Variants in CAMK1D observed in about 807,000 individuals in gnomAD.
CAMK1D encodes calcium/calmodulin dependent protein kinase ID.
CAMK1D carries 9 observed loss-of-function variants against 47.7 expected under a neutral mutation model. That is an observed-to-expected ratio of 0.19 (90% CI 0.11 to 0.33). The LOEUF is 0.33. Ranked by LOEUF, CAMK1D falls within the 10% of genes least tolerant of loss-of-function variation. CAMK1D has a pLI of 1.00. For missense variants in CAMK1D, 291 were observed against 488.7 expected, an observed-to-expected ratio of 0.60 and a Z score of 3.81; for synonymous variants, 184 against 184.9, an observed-to-expected ratio of 0.99 and a Z score of 0.04.
intron 2 of CAMK1D, among the ~76,000 whole-genome samples, chr10:12,584,964 C>T (rs1217817061): frequency 6.6e-6 from 1 of 152,050 alleles, no homozygotes. Flanking sequence ...AAAAGCTAAC[C>T]AACAAAAATA....
chr10:12,371,474 G>C (rs1838004533), intron 1 of CAMK1D, among the ~76,000 whole-genome samples: 1 of 151,458 alleles, frequency 6.6e-6, no homozygotes, highest in Non-Finnish European at 1.5e-5. Flanking sequence ...TACTCAGGAG[G>C]CTGAGGCAGG....
At chr10:12,763,016 A>G (rs926846128) in intron 4 of CAMK1D, among the ~76,000 whole-genome samples, 6 of 152,246 alleles carry the variant, frequency 3.9e-5, no homozygotes, top group Non-Finnish European at 7.3e-5. Context: ...CAGGAGGGGC[A>G]GTGTTTATCT....
chr10:12,605,112 C>T (rs1356384291), intron 2 of CAMK1D, among the ~76,000 whole-genome samples: 2 of 152,098 alleles, frequency 1.3e-5, no homozygotes, highest in African/African-American at 4.8e-5. Context: ...TGGTCTCGAT[C>T]TCCTGACCTT....
rs1423643049 is a variant in CAMK1D at position 12,835,165 on chromosome 10, A to G, written c.*6278A>G. 1 of 152,166 alleles carries G rather than the reference A, an allele frequency of 6.6e-6. No homozygotes were observed. The highest frequency in any genetic ancestry group is 2.4e-5 in the African/African-American group (1 of 41,440). 9.4% of individuals were successfully genotyped at this position (152,166 alleles called of 1,614,324 possible). On this transcript the variant is annotated 3_prime_UTR_variant, in exon 11 of 11. Transcript: ENST00000619168. ...GAATAAACATTGGAACAATCTCTCA[A>G]TTGGCTTTTGTCACTACACATAATG... is the stretch of plus-strand genomic sequence containing the variant.
intron 6 of CAMK1D, among the ~76,000 whole-genome samples, chr10:12,792,627 G>A (rs995698724): frequency 6.6e-6 from 1 of 152,252 alleles, no homozygotes; most frequent in Non-Finnish European, 1.5e-5. Context: ...CAGTATCTGA[G>A]AAGCAGATGG....
chr10:12,439,870 G>T (rs1279906631), intron 1 of CAMK1D, among the ~76,000 whole-genome samples: 3 of 152,188 alleles, frequency 2.0e-5, no homozygotes, highest in East Asian at 3.8e-4. Flanking sequence ...CAATCATGGT[G>T]GAAGGCAAAA....
At chr10:12,770,934 TG>T (rs1444938620) in intron 5 of CAMK1D, among the ~76,000 whole-genome samples, 1 of 135,702 alleles carries the variant, frequency 7.4e-6, no homozygotes, top group African/African-American at 2.8e-5. Context: ...TTGTGGGGGG[TG>T]GGGGGTGTGG....
At chr10:12,696,009 T>C (rs1337267520) in intron 3 of CAMK1D, among the ~76,000 whole-genome samples, 1 of 151,524 alleles carries the variant, frequency 6.6e-6, no homozygotes. Flanking sequence ...ACCCGGGAGG[T>C]GGAGGTTGCA....
chr10:12,354,841 ATTT>A (rs11432459), intron 1 of CAMK1D, among the ~76,000 whole-genome samples: 2 of 129,346 alleles, frequency 1.5e-5, no homozygotes, highest in Admixed American at 8.2e-5. Flanking sequence ...TTGGAGGAAA[ATTT>A]TTTTTTTTTT....
In CAMK1D at chr10:12,828,838, G is replaced by A. The variant is rs768414434; in HGVS notation, c.1109G>A (p.Arg370Gln). ...GGGGTCTCAGGAGTTGGAGCCGAGC[G>A]GAGACCCAGGCCCACCACTGTGACG... is the stretch of plus-strand genomic sequence containing the variant. ...SSGVSGVGAE[R>Q]RPRPTTVTAV... Residue 370 changes from arginine to glutamine, a missense_variant, in exon 11 of 11, where the codon CGG becomes CAG. By Grantham distance (43) the Arg-to-Gln change is conservative. This residue lies in a region of CAMK1D where 72 missense variants were observed against 64.4 expected (regional missense o/e 1.12). Coordinates refer to ENST00000619168, the MANE Select transcript of CAMK1D (RefSeq NM_153498.4). The A allele has an allele frequency of 5.0e-6, 8 of 1,613,540 alleles. No homozygotes were observed. The highest frequency in any genetic ancestry group is 2.7e-5 in the African/African-American group (2 of 74,884).
At chr10:12,376,683 C>G (rs952068821) in intron 1 of CAMK1D, among the ~76,000 whole-genome samples, 4 of 152,152 alleles carry the variant, frequency 2.6e-5, no homozygotes, top group Non-Finnish European at 5.9e-5. Flanking sequence ...TGGATTCCCC[C>G]ACCTGCTCAC....
At chr10:12,702,277 G>A (rs780894407) in intron 3 of CAMK1D, among the ~76,000 whole-genome samples, 3 of 152,206 alleles carry the variant, frequency 2.0e-5, no homozygotes, top group East Asian at 3.9e-4. Flanking sequence ...GGTCAACCTC[G>A]AGGAGGTGAG....
intron 1 of CAMK1D, among the ~76,000 whole-genome samples, chr10:12,421,365 T>G (rs757741563): frequency 2.0e-5 from 3 of 152,112 alleles, no homozygotes; most frequent in South Asian, 2.1e-4. Context: ...TGCCCGATGA[T>G]GTCCCGGAGC....
intron 1 of CAMK1D, among the ~76,000 whole-genome samples, chr10:12,538,437 C>T (rs564429228): frequency 8.7e-4 from 132 of 152,238 alleles, no homozygotes; most frequent in African/African-American, 2.4e-3. Context: ...TCTGATTGAA[C>T]GGTGAAAATG....
chr10:12,626,026 A>T (rs1157691082), intron 2 of CAMK1D, among the ~76,000 whole-genome samples: 1 of 152,234 alleles, frequency 6.6e-6, no homozygotes, highest in Non-Finnish European at 1.5e-5. Context: ...TACATATGTC[A>T]AAAGTTATAT....
At chr10:12,796,640 G>T (rs556550867) in intron 6 of CAMK1D, among the ~76,000 whole-genome samples, 2 of 152,124 alleles carry the variant, frequency 1.3e-5, no homozygotes, top group Non-Finnish European at 2.9e-5. Flanking sequence ...GCCCCGGGGG[G>T]TCGTGATGGC....
Position 12,351,496 on chromosome 10 carries a change from A to G in CAMK1D, c.92+1586A>G, listed in dbSNP as rs1837354238. 3.3e-5 allele frequency among the ~76,000 whole-genome samples: 5 copies of G among 152,136 alleles called. No homozygotes were observed. The South Asian group carries it at 8.3e-4, about 25-fold the overall frequency. On this transcript the variant is annotated intron_variant, in intron 1 of 10. Coordinates refer to ENST00000619168, the MANE Select transcript of CAMK1D (RefSeq NM_153498.4). ...ACCCGCACTGTGGCCGCCAATGAGG[A>G]GATGGGAGAGCATGGGGACCCACCC... is the stretch of plus-strand genomic sequence containing the variant.
intron 1 of CAMK1D, among the ~76,000 whole-genome samples, chr10:12,446,381 C>A (rs577761022): frequency 6.6e-6 from 1 of 152,322 alleles, no homozygotes; most frequent in African/African-American, 2.4e-5. Context: ...CATTTGTAAA[C>A]TGTCATGGTG....
rs1043987823 is a variant in CAMK1D at position 12,354,435 on chromosome 10, T to TC, written c.92+4525_92+4526insC. Among the ~76,000 whole-genome samples, 145 of 151,898 alleles carry TC rather than the reference T, an allele frequency of 9.5e-4. 1 individual carries two copies. The highest frequency in any genetic ancestry group is 3.1e-3 in the African/African-American group (130 of 41,470). ...GAGATAATTTTCTTTTCTTTTCTTT[T>TC]TTTTTTTTTGAGATAGAGTCTTGCT... On this transcript the variant is annotated intron_variant, in intron 1 of 10. Transcript: ENST00000619168.
Sources: allele counts gnomAD v4.1 joint callset (sites outside exome capture counted in the v4.1 genomes callset), GRCh38; gene constraint gnomAD v4.1.1; regional missense constraint gnomAD v4.1.1; transcripts MANE v1.5; gene names NCBI Gene and HGNC (gene_info 2026-07-23, HGNC 2026-07-21).